Variants in RAP1A observed in about 807,000 individuals in gnomAD.
RAP1A encodes the protein ras-related protein Rap-1A.
Under a neutral mutation model 26.4 loss-of-function variants are expected in RAP1A, and 6 were observed. The ratio of observed to expected loss-of-function variants is 0.23; its 90% CI spans 0.12 to 0.45. The LOEUF is 0.45. RAP1A is among the 20% of genes least tolerant of loss of function. The pLI is 0.99. For missense variants in RAP1A, 121 were observed against 217.2 expected (o/e 0.56, Z 2.78); for synonymous variants, 73 against 79.4 (o/e 0.92, Z 0.43).
chr1:111,640,342 A>G (rs1477441797), intron 1 of RAP1A, among the ~76,000 whole-genome samples: 1 of 152,234 alleles, frequency 6.6e-6, no homozygotes, highest in African/African-American at 2.4e-5. Context: ...ATAAAACTTC[A>G]AATGTTTTCA....
chr1:111,607,889 G>A (rs1307925771), intron 1 of RAP1A, among the ~76,000 whole-genome samples: 56 of 114,286 alleles, frequency 4.9e-4, no homozygotes, highest in African/African-American at 1.0e-3. Flanking sequence ...CCTCCCTCCC[G>A]GACGGGGCGG....
chr1:111,635,371 G>A (rs770575926), intron 1 of RAP1A, among the ~76,000 whole-genome samples: 1 of 152,178 alleles, frequency 6.6e-6, no homozygotes, highest in African/African-American at 2.4e-5. Context: ...GTGGTCAGCA[G>A]GCAAAACACT....
At chr1:111,628,422 T>C (rs61788240) in intron 1 of RAP1A, among the ~76,000 whole-genome samples, 22,952 of 152,148 alleles carry the variant, frequency 0.15, 1,848 homozygotes, top group African/African-American at 0.2. Context: ...CCTAGGCTTT[T>C]GTATAGTTAG....
chr1:111,651,550 C>T (rs369271234), intron 1 of RAP1A, among the ~76,000 whole-genome samples: 16 of 147,990 alleles, frequency 1.1e-4, no homozygotes, highest in South Asian at 6.4e-4. Flanking sequence ...GATCTTGGCT[C>T]GCTGTCACCT....
At chr1:111,699,571 C>A (rs1448285372) in intron 4 of RAP1A, among the ~76,000 whole-genome samples, 1 of 150,426 alleles carries the variant, frequency 6.6e-6, no homozygotes, top group East Asian at 2.0e-4. Context: ...AAGAAATCCT[C>A]CCACCATAAC....
At chr1:111,659,341 G>GTC (rs529545267) in intron 1 of RAP1A, among the ~76,000 whole-genome samples, 14 of 151,986 alleles carry the variant, frequency 9.2e-5, no homozygotes, top group Admixed American at 5.2e-4. Flanking sequence ...TGTGAAAGTA[G>GTC]TCTCTCTCTC....
chr1:111,646,550 CT>C (rs1466792704), intron 1 of RAP1A, among the ~76,000 whole-genome samples: 1 of 149,722 alleles, frequency 6.7e-6, no homozygotes, highest in South Asian at 2.1e-4. Context: ...CTTTTTCTTT[CT>C]TTTTTTTTGG....
chr1:111,547,606 C>T (rs574493243), intron 1 of RAP1A, among the ~76,000 whole-genome samples: 42 of 152,146 alleles, frequency 2.8e-4, no homozygotes, highest in Non-Finnish European at 5.0e-4. Context: ...GGAAATCTGA[C>T]GTCAATGCCA....
At chr1:111,598,989 T>G (rs979149492) in intron 1 of RAP1A, among the ~76,000 whole-genome samples, 1 of 152,104 alleles carries the variant, frequency 6.6e-6, no homozygotes, top group Non-Finnish European at 1.5e-5. Flanking sequence ...TACGTTTAAC[T>G]GGTATATTAT....
rs528449704 is a variant in RAP1A, at chr1:111,664,144, A to G, written c.-27-27190A>G. On this transcript the variant is annotated intron_variant, in intron 1 of 7. Coordinates refer to ENST00000369709, the MANE Select transcript of RAP1A (RefSeq NM_002884.4). Reference sequence around the variant, plus strand: ...ATCCCAGCACTTTGGGAGGCCACGGAGGGTGGATCACCTGAGGTCAGGAGT... The same window carrying G: ...ATCCCAGCACTTTGGGAGGCCACGGGGGGTGGATCACCTGAGGTCAGGAGT... Among the ~76,000 whole-genome samples the G allele has an allele frequency of 1.9e-3, 284 of 152,130 alleles. 1 individual carries two copies. Among genetic ancestry groups the G allele is most frequent in the Non-Finnish European group, 3.5e-3 (240 of 67,944 alleles).
chr1:111,664,373 CAAAAAAAAAAAAAAA>C (rs57610280), intron 1 of RAP1A, among the ~76,000 whole-genome samples: 1 of 89,870 alleles, frequency 1.1e-5, no homozygotes, highest in Non-Finnish European at 2.1e-5. Flanking sequence ...GACTCCGTCT[CAAAAAAAAAAAAAAA>C]AAAAAAAAAA....
chr1:111,705,146 A>C (rs1662148688), intron 6 of RAP1A, among the ~76,000 whole-genome samples: 1 of 152,202 alleles, frequency 6.6e-6, no homozygotes. Context: ...GGGCCCCTAA[A>C]AATTTAGAGC....
chr1:111,634,094 C>G (rs1557872601), intron 1 of RAP1A, among the ~76,000 whole-genome samples: 1 of 152,130 alleles, frequency 6.6e-6, no homozygotes, highest in Admixed American at 6.5e-5. Flanking sequence ...TGTTCAGTGT[C>G]CTCTGTGTGT....
Position 111,631,042 on chromosome 1 carries a change from A to G in RAP1A, c.-28+11108A>G, listed in dbSNP as rs541354589. On this transcript the variant is annotated intron_variant, in intron 1 of 7. Coordinates refer to ENST00000369709, the MANE Select transcript of RAP1A (RefSeq NM_002884.4). ...TATGATTAGTATTACAAAAAGTCAA[A>G]TGAAAATTGTGCATTTACCCTAAAT... is the stretch of plus-strand genomic sequence containing the variant. 2.6e-5 allele frequency among the ~76,000 whole-genome samples: 4 copies of G among 152,330 alleles called. No homozygotes were observed. The South Asian group carries it at 8.3e-4, about 32-fold the overall frequency.
intron 1 of RAP1A, among the ~76,000 whole-genome samples, chr1:111,671,213 G>A (rs576981155): frequency 6.6e-6 from 1 of 152,308 alleles, no homozygotes; most frequent in African/African-American, 2.4e-5. Context: ...TAGAACTCCT[G>A]GGCCCAAGCG....
At chr1:111,669,917 C>A (rs1341626702) in intron 1 of RAP1A, among the ~76,000 whole-genome samples, 3 of 152,148 alleles carry the variant, frequency 2.0e-5, no homozygotes, top group African/African-American at 7.2e-5. Context: ...CTTTCAAAAG[C>A]TCTGCAATTA....
chr1:111,569,178 G>A (rs375919196), intron 1 of RAP1A, among the ~76,000 whole-genome samples: 5 of 151,916 alleles, frequency 3.3e-5, no homozygotes, highest in African/African-American at 9.7e-5. Context: ...CGAGGTGGGC[G>A]GATCACGAGG....
At chr1:111,645,019 A>G (rs1660019705) in intron 1 of RAP1A, among the ~76,000 whole-genome samples, 1 of 152,218 alleles carries the variant, frequency 6.6e-6, no homozygotes, top group Admixed American at 6.5e-5. Context: ...TCAGCTTCTG[A>G]TATTTGCACT....
At chr1:111,598,636 T>C (rs1658604025) in intron 1 of RAP1A, among the ~76,000 whole-genome samples, 1 of 152,090 alleles carries the variant, frequency 6.6e-6, no homozygotes, top group Non-Finnish European at 1.5e-5. Context: ...ACCACAACAA[T>C]CATCGCAGAA....
Sources: allele counts gnomAD v4.1 joint callset (sites outside exome capture counted in the v4.1 genomes callset), GRCh38; gene constraint gnomAD v4.1.1; transcripts MANE v1.5; gene names NCBI Gene and HGNC (gene_info 2026-07-23, HGNC 2026-07-21).